MYO5B: variants seen among roughly 807,000 people sequenced by gnomAD.
MYO5B encodes unconventional myosin-Vb.
In MYO5B, 143 loss-of-function variants were observed where a neutral mutation model predicts 229.3. That is an observed-to-expected ratio of 0.62 (90% CI 0.54 to 0.72). The LOEUF is 0.72. Ranked by LOEUF, MYO5B falls within the 30% of genes least tolerant of loss-of-function variation. The pLI, the probability that MYO5B is intolerant of heterozygous loss-of-function variation, is 0.00. For missense variants in MYO5B, 2,321 were observed against 2,331.0 expected, an observed-to-expected ratio of 1.00 and a Z score of 0.09; for synonymous variants, 918 against 885.2, an observed-to-expected ratio of 1.04 and a Z score of -0.66.
intron 1 of MYO5B, among the ~76,000 whole-genome samples, chr18:50,140,679 A>C (rs1004838517): frequency 6.6e-6 from 1 of 152,228 alleles, no homozygotes; most frequent in African/African-American, 2.4e-5. Flanking sequence ...AATGAATTCC[A>C]GAAGAGCCTT....
At chr18:50,075,108 T>C (rs546999383) in intron 1 of MYO5B, among the ~76,000 whole-genome samples, 65 of 152,270 alleles carry the variant, frequency 4.3e-4, no homozygotes, top group Non-Finnish European at 2.2e-4. Context: ...GAGACCTGTT[T>C]TTCTCAGTTA....
At chr18:50,115,995 T>C (rs1387964784) in intron 1 of MYO5B, among the ~76,000 whole-genome samples, 2 of 152,196 alleles carry the variant, frequency 1.3e-5, no homozygotes, top group African/African-American at 4.8e-5. Flanking sequence ...ATGGGACCTT[T>C]ACTCCCTAGC....
intron 1 of MYO5B, among the ~76,000 whole-genome samples, chr18:50,115,547 GACACACACACACAC>G (rs56886992): frequency 4.8e-5 from 6 of 125,180 alleles, no homozygotes; most frequent in African/African-American, 8.4e-5. Flanking sequence ...CACACAGAGA[GACACACACACACAC>G]ACACACACAC....
intron 25 of MYO5B, among the ~76,000 whole-genome samples, chr18:49,876,997 C>T (rs1272018499): frequency 1.2e-4 from 19 of 152,240 alleles, no homozygotes; most frequent in Admixed American, 1.2e-3. Flanking sequence ...ACTTCTCCGG[C>T]TCAGTCACCA....
intron 1 of MYO5B, among the ~76,000 whole-genome samples, chr18:50,067,081 G>C (rs1282298333): frequency 6.6e-6 from 1 of 152,166 alleles, no homozygotes; most frequent in Non-Finnish European, 1.5e-5. Context: ...ACTTAGTAGA[G>C]TTTAGGAAGA....
intron 26 of MYO5B, among the ~76,000 whole-genome samples, chr18:49,873,484 C>T (rs911222083): frequency 6.6e-6 from 1 of 152,204 alleles, no homozygotes; most frequent in African/African-American, 2.4e-5. Context: ...CGCACTGTTT[C>T]CAGCCCTGCA....
chr18:49,895,290 A>G (rs2024765794), intron 21 of MYO5B, 116 bp from the exon 22 acceptor site: 1 of 828,936 alleles, frequency 1.2e-6, no homozygotes, highest in East Asian at 2.6e-5. Flanking sequence ...GGTAGGATTA[A>G]GTCTCACAAT....
chr18:50,121,275 C>A (rs1434993873), intron 1 of MYO5B, among the ~76,000 whole-genome samples: 2 of 152,192 alleles, frequency 1.3e-5, no homozygotes, highest in Non-Finnish European at 2.9e-5. Context: ...TTATAAGCAC[C>A]TCAAGGCCTC....
chr18:50,052,286 C>A (rs1346445933), intron 2 of MYO5B, among the ~76,000 whole-genome samples: 1 of 151,468 alleles, frequency 6.6e-6, no homozygotes, highest in Non-Finnish European at 1.5e-5. Flanking sequence ...TTCACAATAG[C>A]AAAGACTTGG....
At chr18:49,931,438 G>A (rs1369068650) in intron 16 of MYO5B, among the ~76,000 whole-genome samples, 2 of 152,150 alleles carry the variant, frequency 1.3e-5, no homozygotes, top group Admixed American at 6.5e-5. Flanking sequence ...ACAGCCCACG[G>A]CACTGAGCAT....
intron 1 of MYO5B, among the ~76,000 whole-genome samples, chr18:50,172,873 G>GC (rs1046921537): frequency 6.6e-6 from 1 of 152,210 alleles, no homozygotes; most frequent in Non-Finnish European, 1.5e-5. Context: ...ATGACAGGAA[G>GC]CCCCCCAGTG....
At chr18:50,155,478 A>G (rs1395934524) in intron 1 of MYO5B, among the ~76,000 whole-genome samples, 1 of 152,230 alleles carries the variant, frequency 6.6e-6, no homozygotes, top group Non-Finnish European at 1.5e-5. Context: ...TGAGATAAAA[A>G]ACAAAAAAAT....
At chr18:49,957,122 T>C (rs1893453) in intron 12 of MYO5B, among the ~76,000 whole-genome samples, 47,579 of 131,492 alleles carry the variant, frequency 0.36, 8,576 homozygotes, top group South Asian at 0.5. Flanking sequence ...ATTCCACTCC[T>C]TGCTAGTAAA....
chr18:50,104,803 T>C (rs1304500144), intron 1 of MYO5B, among the ~76,000 whole-genome samples: 1 of 152,050 alleles, frequency 6.6e-6, no homozygotes, highest in Non-Finnish European at 1.5e-5. Flanking sequence ...ACCGCACAGG[T>C]AGCATCTGCC....
At chr18:50,098,904 G>A in intron 1 of MYO5B, 1 of 153,504 alleles carries the variant, frequency 6.5e-6, no homozygotes. Context: ...AAGGCCACCA[G>A]CTTCCTAGTC....
At chr18:50,133,652 G>A (rs1320835428) in intron 1 of MYO5B, among the ~76,000 whole-genome samples, 1 of 152,168 alleles carries the variant, frequency 6.6e-6, no homozygotes, top group East Asian at 1.9e-4. Context: ...TTACACTCCA[G>A]CTTATTCCTC....
chr18:50,149,653 T>C (rs1599058586), intron 1 of MYO5B, among the ~76,000 whole-genome samples: 1 of 150,134 alleles, frequency 6.7e-6, no homozygotes, highest in South Asian at 2.1e-4. Context: ...TGAAACTGGA[T>C]CCCTTCCTTA....
intron 1 of MYO5B, among the ~76,000 whole-genome samples, chr18:50,083,329 T>C (rs889726574): frequency 5.9e-5 from 9 of 152,140 alleles, no homozygotes; most frequent in African/African-American, 9.7e-5. Flanking sequence ...CCATTGATGA[T>C]TGACTCAATC....
chr18:49,925,920 C>T (rs1032437442), intron 17 of MYO5B, among the ~76,000 whole-genome samples: 1 of 152,160 alleles, frequency 6.6e-6, no homozygotes, highest in Non-Finnish European at 1.5e-5. Flanking sequence ...ATCAAAAGGC[C>T]AATGTAGGAG....
Sources: gnomAD v4.1 joint callset for allele counts (sites outside exome capture counted in the v4.1 genomes callset) on GRCh38, gnomAD v4.1.1 for gene constraint, MANE v1.5 for transcripts, NCBI Gene and HGNC (gene_info 2026-07-23, HGNC 2026-07-21) for gene names.